Variants in UTP15 observed in about 807,000 individuals in gnomAD.
UTP15 encodes the protein UTP15 small subunit processome component.
In UTP15, 5 loss-of-function variants were observed where a neutral mutation model predicts 59.1. That is an observed-to-expected ratio of 0.08 (90% confidence interval 0.04 to 0.18). UTP15 has a LOEUF of 0.18. UTP15 is among the 10% of genes least tolerant of loss of function. The pLI is 1.00. For synonymous variants in UTP15, 211 were observed against 212.2 expected (o/e 0.99, Z 0.05); for missense variants, 494 against 616.7 (o/e 0.80, Z 2.11).
chr5:73,576,976 T>C lies in UTP15; in HGVS notation c.834T>C (p.Thr278=), dbSNP rs1748122779. The C allele has an allele frequency of 1.2e-6, 2 of 1,609,240 alleles. No homozygotes were observed. The highest frequency in any genetic ancestry group is 2.2e-5 in the South Asian group (2 of 89,530). Residue 278 remains threonine, a synonymous_variant, in exon 8 of 13, where the codon ACT becomes ACC. Transcript: ENST00000296792. ...LDRKVKVYST[T]SYKVVHSFDY... is the part of the protein sequence containing the mutation. ...GGAAGGTGAAAGTATACAGCACAACTTCCTACAAAGTAGTCCACAGTTTTG... is the reference window on the plus strand; with the variant it reads ...GGAAGGTGAAAGTATACAGCACAACCTCCTACAAAGTAGTCCACAGTTTTG...
rs1472069195 is a variant in UTP15 at position 73,578,840 on chromosome 5, T to C, written c.1134T>C (p.Asp378=). 15 of 1,606,450 alleles carry C rather than the reference T, an allele frequency of 9.3e-6. No individual in the cohort carries two copies. In the African/African-American group the frequency reaches 1.6e-4, roughly 17 times the overall value. Residue 378 remains aspartate (D), a synonymous_variant, in exon 10 of 13, where the codon GAT becomes GAC. Coordinates refer to ENST00000296792, the MANE Select transcript of UTP15 (RefSeq NM_032175.4). The part of the protein sequence containing the change: ...LKHFRISKAL[D]RVLDPTCTIK... ...ATTTTCGGATCTCTAAGGCACTCGA[T>C]AGAGTTCTTGATGTGAGTGAGCATT...
intron 9 of UTP15, among the ~76,000 whole-genome samples, 155 bp from the exon 10 acceptor site, chr5:73,578,596 G>A (rs60936818): frequency 0.038 from 5,739 of 151,494 alleles, 398 homozygotes; most frequent in African/African-American, 0.13. Flanking sequence ...ACTCTGATTA[G>A]CAGGATGCAT....
chr5:73,572,372 G>A (rs1747956183), intron 6 of UTP15, 117 bp from the exon 7 acceptor site: 1 of 1,361,976 alleles, frequency 7.3e-7, no homozygotes, highest in Non-Finnish European at 1.0e-6. Flanking sequence ...GCCTGGCCTG[G>A]ACTCCCTCAC....
At chr5:73,575,879 G>A (rs977216023) in intron 7 of UTP15, among the ~76,000 whole-genome samples, 4 of 151,424 alleles carry the variant, frequency 2.6e-5, no homozygotes, top group Non-Finnish European at 5.9e-5. Flanking sequence ...GTGCCACCAT[G>A]CCCGGCTGAT....
chr5:73,580,101 C>T lies in UTP15; in HGVS notation c.*7C>T. 3.7e-6 allele frequency: 6 copies of T among 1,605,168 alleles called. No homozygotes were observed. The highest frequency in any genetic ancestry group is 5.1e-6 in the Non-Finnish European group (6 of 1,173,776). On this transcript the variant is annotated 3_prime_UTR_variant, in exon 13 of 13. Coordinates refer to ENST00000296792, the MANE Select transcript of UTP15 (RefSeq NM_032175.4). The stretch of plus-strand genomic sequence containing the variant: ...TAAGAAGATAGAATCATAGTGTCTG[C>T]TAAATAAGACATATAAGAACTCTGA...
chr5:73,579,567 T>A (rs1748236177), intron 12 of UTP15, among the ~76,000 whole-genome samples, 192 bp downstream of exon 12: 1 of 152,166 alleles, frequency 6.6e-6, no homozygotes, highest in Admixed American at 6.5e-5. Context: ...TGACTTTGAA[T>A]TGATGGGACT....
chr5:73,570,274 G>A (rs763696021), intron 5 of UTP15, among the ~76,000 whole-genome samples: 1 of 152,212 alleles, frequency 6.6e-6, no homozygotes, highest in Non-Finnish European at 1.5e-5. Context: ...AAGCAGCCAA[G>A]AAACAAAGAG....
intron 7 of UTP15, among the ~76,000 whole-genome samples, chr5:73,573,901 G>A (rs921310456): frequency 3.3e-5 from 5 of 151,638 alleles, no homozygotes; most frequent in African/African-American, 1.2e-4. Context: ...ATTTTATTTA[G>A]CCTAATATCT....
chr5:73,568,554 T>G lies in UTP15; in HGVS notation c.318T>G (p.Leu106=). 6.2e-7 allele frequency: 1 copy of G among 1,614,080 alleles called. No individual in the cohort carries two copies. Among genetic ancestry groups the G allele is most frequent in the African/African-American group, 1.3e-5 (1 of 75,050 alleles). The change falls in exon 4 of 13, where the codon CTT becomes CTG. Residue 106 remains leucine, a synonymous_variant. Transcript: ENST00000296792. ...VAGSEDGGVQ[L]FDISGRAPLR... is the part of the protein sequence containing the mutation. ...GCAGTGAAGATGGTGGAGTTCAACT[T>G]TTTGATATAAGTGGGAGGGCTCCCC...
chr5:73,573,548 T>C (rs192681075), intron 7 of UTP15, among the ~76,000 whole-genome samples: 32 of 150,832 alleles, frequency 2.1e-4, no homozygotes, highest in Middle Eastern at 3.5e-3. Flanking sequence ...GTGCCTGGCC[T>C]GAAAAGTTTT....
At chr5:73,569,141 A>G (rs1251035391) in intron 4 of UTP15, among the ~76,000 whole-genome samples, 3 of 152,208 alleles carry the variant, frequency 2.0e-5, no homozygotes. Flanking sequence ...ACATGATTCT[A>G]TTTAGTGGTA....
At chr5:73,568,656 T>A in intron 4 of UTP15, 52 bp downstream of exon 4, 2 of 1,503,532 alleles carry the variant, frequency 1.3e-6, no homozygotes, top group South Asian at 1.3e-5. Flanking sequence ...TTGTAAGCTC[T>A]TTTTTTCTCT....
chr5:73,577,158 G>A (rs962183945), intron 8 of UTP15, 122 bp downstream of exon 8: 1 of 744,664 alleles, frequency 1.3e-6, no homozygotes. Context: ...AGATATTTGA[G>A]TTAAGACAAT....
intron 6 of UTP15, 83 bp downstream of exon 6, chr5:73,570,794 AG>A (rs1202817924): frequency 6.4e-7 from 1 of 1,569,510 alleles, no homozygotes; most frequent in Non-Finnish European, 8.7e-7. Flanking sequence ...GTAATTTATC[AG>A]TGTGCATTTG....
chr5:73,578,454 C>G (rs1440160665), intron 9 of UTP15: 1 of 328,282 alleles, frequency 3.0e-6, no homozygotes, highest in Non-Finnish European at 5.6e-6. Flanking sequence ...ACACTGCCTG[C>G]CACATAAAGA....
intron 1 of UTP15, among the ~76,000 whole-genome samples, chr5:73,566,490 T>A (rs1260995857): frequency 6.6e-6 from 1 of 152,250 alleles, no homozygotes; most frequent in East Asian, 1.9e-4. Flanking sequence ...GGTCATTGTA[T>A]TTCATTAAAG....
rs575840740 is a variant in UTP15, at chr5:73,579,127, T to A, written c.1257T>A (p.Ser419Arg). The A allele has an allele frequency of 4.2e-5, 67 of 1,613,904 alleles. No individual in the cohort carries two copies. The South Asian group carries it at 7.3e-4, about 17-fold the overall frequency. ...ALAGRDEKEISHVLNFLIRNL... is the reference protein window; with the variant it reads ...ALAGRDEKEIRHVLNFLIRNL... ...CAGGTCGGGATGAGAAGGAAATCAGTCATGTTCTTAATTTTTTGATAAGGT... is the reference window on the plus strand; with the variant it reads ...CAGGTCGGGATGAGAAGGAAATCAGACATGTTCTTAATTTTTTGATAAGGT... The change falls in exon 11 of 13, where the codon AGT becomes AGA. Residue 419 changes from serine (S) to arginine (R), a missense_variant. Coordinates refer to ENST00000296792, the MANE Select transcript of UTP15 (RefSeq NM_032175.4).
intron 4 of UTP15, 139 bp from the exon 5 acceptor site, chr5:73,569,358 T>C (rs1343967940): frequency 3.5e-6 from 2 of 574,082 alleles, no homozygotes; most frequent in East Asian, 3.4e-5. Flanking sequence ...TTTCTCTTTC[T>C]TTCATGATTT....
chr5:73,572,624 G>A lies in UTP15; in HGVS notation c.809G>A (p.Arg270Lys). The A allele has an allele frequency of 6.2e-7, 1 of 1,607,048 alleles. No homozygotes were observed. Among genetic ancestry groups the A allele is most frequent in the Non-Finnish European group, 8.5e-7 (1 of 1,178,340 alleles). The change falls in exon 7 of 13, where the codon AGG (arginine) becomes AAG (lysine). Residue 270 changes from arginine (R) to lysine (K), a missense_variant and splice_region_variant. Physicochemically the swap from Arg to Lys is conservative, Grantham distance 26. Coordinates refer to ENST00000296792, the MANE Select transcript of UTP15 (RefSeq NM_032175.4). ...GQRLLSGSLDRKVKVYSTTSY... is the reference protein window; with the variant it reads ...GQRLLSGSLDKKVKVYSTTSY... ...AGGTTACTCTCTGGCTCACTGGATAGGTTGGCATTTTAATTTTTTTGTATA... is the reference window on the plus strand; with the variant it reads ...AGGTTACTCTCTGGCTCACTGGATAAGTTGGCATTTTAATTTTTTTGTATA...
Sources: gnomAD v4.1 joint callset for allele counts (sites outside exome capture counted in the v4.1 genomes callset) on GRCh38, gnomAD v4.1.1 for gene constraint, MANE v1.5 for transcripts, NCBI Gene and HGNC (gene_info 2026-07-23, HGNC 2026-07-21) for gene names.